CFAP77: variants seen among roughly 807,000 people sequenced by gnomAD.
CFAP77 encodes cilia- and flagella-associated protein 77.
CFAP77 carries 25 observed loss-of-function variants against 31.1 expected under a neutral mutation model. The observed-to-expected ratio is 0.80, with a 90% CI of 0.59 to 1.12. The LOEUF is 1.12. Among genes scored for constraint, CFAP77 ranks in the 50% most tolerant of loss-of-function variants. The pLI is 0.00. For missense variants in CFAP77, 377 were observed against 397.3 expected (o/e 0.95, Z 0.44); for synonymous variants, 151 against 159.9 (o/e 0.94, Z 0.42).
intron 1 of CFAP77, among the ~76,000 whole-genome samples, chr9:132,459,203 C>G (rs1850987331): frequency 6.6e-6 from 1 of 151,974 alleles, no homozygotes; most frequent in Non-Finnish European, 1.5e-5. Flanking sequence ...TCCCGAGTAG[C>G]TGGGACTACA....
chr9:132,462,229 G>A (rs1851063578), intron 1 of CFAP77, among the ~76,000 whole-genome samples: 1 of 151,348 alleles, frequency 6.6e-6, no homozygotes, highest in Admixed American at 6.6e-5. Context: ...CAGCCCCAGT[G>A]CCTGTGGCTG....
intron 1 of CFAP77, among the ~76,000 whole-genome samples, chr9:132,419,698 T>G (rs535987927): frequency 6.6e-6 from 1 of 152,330 alleles, no homozygotes; most frequent in South Asian, 2.1e-4. Context: ...TTTTCCTTTT[T>G]ATGCATTTAA....
intron 3 of CFAP77, among the ~76,000 whole-genome samples, chr9:132,508,592 T>G (rs111244958): frequency 6.0e-5 from 9 of 150,250 alleles, no homozygotes; most frequent in East Asian, 2.0e-4. Flanking sequence ...AGTGGGGGGG[T>G]TTTGCTCTCA....
intron 3 of CFAP77, chr9:132,513,432 T>G: frequency 7.0e-7 from 1 of 1,430,150 alleles, no homozygotes; most frequent in Non-Finnish European, 9.3e-7. Flanking sequence ...CACACCTTCC[T>G]AGCCTCAGCC....
At chr9:132,521,778 T>TTATTTTTTG (rs1554747340) in intron 3 of CFAP77, among the ~76,000 whole-genome samples, 1 of 106,118 alleles carries the variant, frequency 9.4e-6, no homozygotes, top group African/African-American at 3.8e-5. Flanking sequence ...TTTTTTTTTT[T>TTATTTTTTG]TTTTTTGAGA....
At chr9:132,569,911 T>A (rs1829935937) in intron 5 of CFAP77, among the ~76,000 whole-genome samples, 1 of 151,994 alleles carries the variant, frequency 6.6e-6, no homozygotes, top group Non-Finnish European at 1.5e-5. Context: ...AATTTTTGTA[T>A]TTTTAGTAGG....
intron 3 of CFAP77, among the ~76,000 whole-genome samples, chr9:132,525,726 T>C (rs2119028797): frequency 1.3e-5 from 2 of 152,340 alleles, no homozygotes; most frequent in South Asian, 4.1e-4. Flanking sequence ...CATCCAAAGA[T>C]CTTCCTCACA....
intron 3 of CFAP77, among the ~76,000 whole-genome samples, chr9:132,529,520 C>CAAAAACA (rs1564241757): frequency 8.1e-6 from 1 of 123,416 alleles, no homozygotes; most frequent in Admixed American, 7.7e-5. Flanking sequence ...AAAAAAAAAA[C>CAAAAACA]AAAAAAAAAA....
intron 3 of CFAP77, among the ~76,000 whole-genome samples, chr9:132,516,633 G>A (rs575180253): frequency 1.0e-4 from 15 of 150,296 alleles, no homozygotes; most frequent in Admixed American, 2.6e-4. Context: ...GAGTATGGGC[G>A]AAATCAGGGA....
At chr9:132,450,122 G>A (rs910523337) in intron 1 of CFAP77, among the ~76,000 whole-genome samples, 1 of 151,944 alleles carries the variant, frequency 6.6e-6, no homozygotes, top group African/African-American at 2.4e-5. Context: ...AGTAGAGACG[G>A]GGTTTCATCG....
At position 132,499,614 on chromosome 9, in the gene CFAP77, C is replaced by A. The variant is rs377150974; in HGVS notation, c.524+14C>A. On this transcript the variant is annotated intron_variant, in intron 3 of 5. Transcript: ENST00000393216. This position sits in a 1 kb window ranked among gnomAD's most constrained non-coding sequence, Gnocchi z 5.4. The stretch of plus-strand genomic sequence containing the variant: ...GATCCGGGCACGGTAAGGTGGCTGG[C>A]AGCCAGGGCTTCATCCCTTGAGGGG... 88 of 1,612,094 alleles carry A rather than the reference C, an allele frequency of 5.5e-5. No individual in the cohort carries two copies. Among genetic ancestry groups the A allele is most frequent in the Middle Eastern group, 1.6e-4 (1 of 6,080 alleles).
intron 1 of CFAP77, among the ~76,000 whole-genome samples, chr9:132,446,372 A>G (rs1850716274): frequency 6.6e-6 from 1 of 151,846 alleles, no homozygotes; most frequent in African/African-American, 2.4e-5. Flanking sequence ...CGAGAACACC[A>G]GCTCGAATGA....
Position 132,554,476 on chromosome 9 carries a change from C to T in CFAP77, c.732+11429C>T, listed in dbSNP as rs1368129298. On this transcript the variant is annotated intron_variant, in intron 5 of 5. Coordinates refer to ENST00000393216, the MANE Select transcript of CFAP77 (RefSeq NM_001282957.2). The surrounding 1 kb of genome is among the most constrained non-coding windows in gnomAD (Gnocchi z 4.1). ...TCAGCCTCCCAAGTAGTTGGGACTACAGGTGCACACCACCATGCCCGGCTA... is the reference window on the plus strand; with the variant it reads ...TCAGCCTCCCAAGTAGTTGGGACTATAGGTGCACACCACCATGCCCGGCTA... Among the ~76,000 whole-genome samples, 1 of 152,074 alleles carries T rather than the reference C, an allele frequency of 6.6e-6. No homozygotes were observed. Among genetic ancestry groups the T allele is most frequent in the African/African-American group, 2.4e-5 (1 of 41,390 alleles).
chr9:132,484,114 T>C (rs1362773843), intron 1 of CFAP77, among the ~76,000 whole-genome samples: 2 of 152,028 alleles, frequency 1.3e-5, no homozygotes, highest in African/African-American at 4.8e-5. Flanking sequence ...TTTTTTTGTA[T>C]TTTAATAGAG....
Position 132,529,527 on chromosome 9 carries a change from A to C in CFAP77, c.525-8074A>C, listed in dbSNP as rs566109482. On this transcript the variant is annotated intron_variant, in intron 3 of 5. Coordinates refer to ENST00000393216, the MANE Select transcript of CFAP77 (RefSeq NM_001282957.2). Reference sequence around the variant, plus strand: ...TATAATAAAAAAAAAAAACAAAAAAAAAACTAAACACATACTTGGCCGGGC... The same window carrying C: ...TATAATAAAAAAAAAAAACAAAAAACAAACTAAACACATACTTGGCCGGGC... Among the ~76,000 whole-genome samples the C allele has an allele frequency of 1.8e-3, 267 of 151,222 alleles. 11 individuals are homozygous for C. The highest frequency in any genetic ancestry group is 5.5e-3 in the African/African-American group (227 of 41,232).
chr9:132,531,473 TGA>T (rs1223794081), intron 3 of CFAP77, among the ~76,000 whole-genome samples: 1 of 152,008 alleles, frequency 6.6e-6, no homozygotes, highest in Non-Finnish European at 1.5e-5. Context: ...AAGGGGAAGC[TGA>T]GTGTGTGCTG....
chr9:132,522,056 C>T (rs1156676652), intron 3 of CFAP77, among the ~76,000 whole-genome samples: 1 of 152,154 alleles, frequency 6.6e-6, no homozygotes, highest in Non-Finnish European at 1.5e-5. Context: ...GCCACTACAC[C>T]CGGCCCCAGA....
chr9:132,438,539 A>ATTTTTTT (rs1165427680), intron 1 of CFAP77, among the ~76,000 whole-genome samples: 11 of 115,412 alleles, frequency 9.5e-5, no homozygotes, highest in Non-Finnish European at 1.7e-4. Flanking sequence ...ATATATATAT[A>ATTTTTTT]TATTTTTTTT....
chr9:132,457,167 G>A (rs1850932283), intron 1 of CFAP77, among the ~76,000 whole-genome samples: 1 of 152,090 alleles, frequency 6.6e-6, no homozygotes, highest in Admixed American at 6.6e-5. Context: ...AGGAAGATGA[G>A]GCCAAGGTTT....
Sources: gnomAD v4.1 joint callset for allele counts (sites outside exome capture counted in the v4.1 genomes callset) on GRCh38, gnomAD v4.1.1 for gene constraint, Gnocchi (gnomAD v3.1) non-coding constraint, MANE v1.5 for transcripts, NCBI Gene and HGNC (gene_info 2026-07-23, HGNC 2026-07-21) for gene names.